The following ZNF28 variants were observed in gnomAD, a reference collection of about 807,000 sequenced individuals.
ZNF28 encodes zinc finger protein KOX24.
Under a neutral mutation model 7.2 loss-of-function variants are expected in ZNF28, and 5 were observed. That is an observed-to-expected ratio of 0.70 (90% confidence interval 0.36 to 1.46). The LOEUF is 1.46. Among genes scored for constraint, ZNF28 ranks in the 40% most tolerant of loss-of-function variants. The pLI, the probability that ZNF28 is intolerant of heterozygous loss-of-function variation, is 0.03. For missense variants in ZNF28, 879 were observed against 866.6 expected, an observed-to-expected ratio of 1.01 and a Z score of -0.18; for synonymous variants, 288 against 292.4, an observed-to-expected ratio of 0.99 and a Z score of 0.15.
Position 52,820,265 on chromosome 19 carries a change from C to T in ZNF28, c.-74+1321G>A, listed in dbSNP as rs555135590. On this transcript the variant is annotated intron_variant, in intron 1 of 3. Coordinates refer to ENST00000457749, the MANE Select transcript of ZNF28 (RefSeq NM_006969.5). ...CCCGAGTAGCTGGGACTACAGGCGC[C>T]CGCCACCGCGCCCGGCTAATTTTTT... is the stretch of plus-strand genomic sequence containing the variant. 7.2e-5 allele frequency among the ~76,000 whole-genome samples: 10 copies of T among 138,016 alleles called. 3 individuals carry two copies. The highest frequency in any genetic ancestry group is 5.0e-4 in the South Asian group (2 of 4,030). 90.5% of individuals were successfully genotyped at this position (138,016 alleles called of 152,430 possible). A position where few individuals can be genotyped will look rare whatever the true frequency, so the allele number is the denominator to read the frequency against.
Position 52,799,019 on chromosome 19 carries a change from T to A in ZNF28, c.*669A>T. On this transcript the variant is annotated 3_prime_UTR_variant, in exon 4 of 4. Coordinates refer to ENST00000457749, the MANE Select transcript of ZNF28 (RefSeq NM_006969.5). ...AGCCTTGTTACAAACCTTACATTTG[T>A]ATGTTTTTTCTCCAGTATGAATTCT... is the stretch of plus-strand genomic sequence containing the variant. 1.3e-6 allele frequency: 1 copy of A among 747,054 alleles called. No homozygotes were observed. The highest frequency in any genetic ancestry group is 2.1e-6 in the Non-Finnish European group (1 of 480,592). The allele number at this position is 747,054 out of a possible 1,614,324, so 46.3% of individuals were successfully genotyped here.
chr19:52,806,949 C>CG (rs1253208114), intron 3 of ZNF28, among the ~76,000 whole-genome samples: 4 of 152,058 alleles, frequency 2.6e-5, no homozygotes, highest in African/African-American at 9.7e-5. Context: ...GAGAGATAAG[C>CG]GGGGGCAAAG....
intron 1 of ZNF28, among the ~76,000 whole-genome samples, chr19:52,818,332 C>T (rs2063152886): frequency 1.3e-5 from 2 of 152,280 alleles, no homozygotes; most frequent in Non-Finnish European, 1.5e-5. Flanking sequence ...GTCCCAGCTA[C>T]TTAGGAAGCT....
At chr19:52,820,210 C>T (rs1262297933) in intron 1 of ZNF28, among the ~76,000 whole-genome samples, 2 of 116,694 alleles carry the variant, frequency 1.7e-5, no homozygotes, top group East Asian at 4.7e-4. Flanking sequence ...CTCTGCTTCC[C>T]GGGTTCACGC....
intron 2 of ZNF28, chr19:52,810,648 G>A: frequency 1.6e-6 from 2 of 1,247,542 alleles, no homozygotes; most frequent in Non-Finnish European, 2.4e-6. Context: ...TTAACAGCAG[G>A]CTCTGGGGTC....
At chr19:52,813,421 C>CTGGGTTGAGACAGAGAAT (rs1568658837) in intron 2 of ZNF28, among the ~76,000 whole-genome samples, 24 of 148,294 alleles carry the variant, frequency 1.6e-4, no homozygotes, top group South Asian at 6.6e-4. Context: ...GCAAGCTGCT[C>CTGGGTTGAGACAGAGAAT]CCCGTGTTTC....
chr19:52,801,795 T>C, intron 3 of ZNF28, 93 bp from the exon 4 acceptor site: 1 of 1,222,880 alleles, frequency 8.2e-7, no homozygotes. Context: ...CAATACTTAT[T>C]TTAAACTTCC....
Position 52,801,364 on chromosome 19 carries a change from C to T in ZNF28, c.481G>A (p.Gly161Ser), listed in dbSNP as rs141519831. Reference protein sequence around the residue: ...LHIFQPEGKIGNQVEKSINNA... With the variant: ...LHIFQPEGKISNQVEKSINNA... Reference sequence around the variant, plus strand: ...TTGATAGACTTCTCAACTTGATTACCAATTTTCCCTTCAGGCTGAAATATG... The same window carrying T: ...TTGATAGACTTCTCAACTTGATTACTAATTTTCCCTTCAGGCTGAAATATG... The change falls in exon 4 of 4, where the codon GGT (glycine) becomes AGT (serine). Residue 161 changes from glycine (G) to serine (S), a missense_variant. Coordinates refer to ENST00000457749, the MANE Select transcript of ZNF28 (RefSeq NM_006969.5). 15 of 1,614,018 alleles carry T rather than the reference C, an allele frequency of 9.3e-6. No homozygotes were observed. In the African/African-American group the frequency reaches 2.0e-4, roughly 22 times the overall value.
At chr19:52,813,031 A>G (rs1292886771) in intron 2 of ZNF28, among the ~76,000 whole-genome samples, 1 of 151,854 alleles carries the variant, frequency 6.6e-6, no homozygotes, top group Non-Finnish European at 1.5e-5. Context: ...CAATTTATAC[A>G]TTGTGAAAAG....
At position 52,801,224 on chromosome 19, in the gene ZNF28, A is replaced by G; in HGVS notation, c.621T>C (p.Asn207=). The change falls in exon 4 of 4, where the codon AAT becomes AAC. Residue 207 remains asparagine (N), a synonymous_variant. Transcript: ENST00000457749. ...GGAAAGATTTTTCTCTCATGTGTAC[A>G]TTCCGTTTTTGTGTGAGTAATGAAG... ...LHSSLLTQKR[N]VHMREKSFQC... 1.2e-6 allele frequency: 2 copies of G among 1,614,138 alleles called. No individual in the cohort carries two copies. Among genetic ancestry groups the G allele is most frequent in the Non-Finnish European group, 1.7e-6 (2 of 1,180,032 alleles).
Position 52,798,489 on chromosome 19 carries a change from C to A in ZNF28, c.*1199G>T. 2.0e-6 allele frequency: 1 copy of A among 498,018 alleles called. No individual in the cohort carries two copies. Among genetic ancestry groups the A allele is most frequent in the Non-Finnish European group, 4.1e-6 (1 of 244,464 alleles). 30.8% of individuals were successfully genotyped at this position (498,018 alleles called of 1,614,324 possible). On this transcript the variant is annotated 3_prime_UTR_variant, in exon 4 of 4. Transcript: ENST00000457749. Reference sequence around the variant, plus strand: ...ATGGTCTGCAAGGAGTGATCTCGGACTGAAGACCTTACCACACTGATGACA... The same window carrying A: ...ATGGTCTGCAAGGAGTGATCTCGGAATGAAGACCTTACCACACTGATGACA...
At chr19:52,812,536 A>G (rs1221474497) in intron 2 of ZNF28, among the ~76,000 whole-genome samples, 16 of 124,366 alleles carry the variant, frequency 1.3e-4, no homozygotes, top group South Asian at 2.6e-4. Context: ...GCGGTGCAAG[A>G]TGTGCTTTGT....
rs62120983 is a variant in ZNF28 at position 52,819,566 on chromosome 19, T to G, written c.-73-1535A>C. Among the ~76,000 whole-genome samples the G allele has an allele frequency of 2.8e-3, 182 of 64,108 alleles. 8 individuals are homozygous for G. Among genetic ancestry groups the G allele is most frequent in the African/African-American group, 4.5e-3 (80 of 17,836 alleles). The allele number at this position is 64,108 out of a possible 152,430, so 42.1% of individuals were successfully genotyped here. ...AGCTTTTCTGGTCTAGCCCCTCATC[T>G]CCAAGTTGCAGGGGAGGCTCACTGG... On this transcript the variant is annotated intron_variant, in intron 1 of 3. Transcript: ENST00000457749.
In ZNF28 at chr19:52,808,012, G is replaced by A; in HGVS notation, c.137C>T (p.Ser46Phe). 6.2e-7 allele frequency: 1 copy of A among 1,613,326 alleles called. No homozygotes were observed. Among genetic ancestry groups the A allele is most frequent in the Middle Eastern group, 1.7e-4 (1 of 6,056 alleles). Residue 46 changes from serine (S) to phenylalanine (F), a missense_variant, in exon 3 of 4, where the codon TCC becomes TTC. By Grantham distance (155) the Ser-to-Phe change is radical. Transcript: ENST00000457749. ...CCCCAGGAGGTTATCCTCACCCAGG[G>A]AGACCAGGTTCCTATAATTCTCCAG... ...VMLENYRNLV[S>F]LDISSKCMMK...
chr19:52,807,229 G>C (rs1230255019), intron 3 of ZNF28, among the ~76,000 whole-genome samples: 1 of 112,510 alleles, frequency 8.9e-6, no homozygotes, highest in Non-Finnish European at 2.0e-5. Flanking sequence ...AAAAAGAAAG[G>C]ACCATAACAT....
intron 2 of ZNF28, among the ~76,000 whole-genome samples, chr19:52,809,580 G>T (rs893036246): frequency 2.0e-5 from 3 of 152,154 alleles, no homozygotes; most frequent in Non-Finnish European, 4.4e-5. Flanking sequence ...GGTCAAGGCG[G>T]GTGAATAACC....
Position 52,815,748 on chromosome 19 carries a change from C to T in ZNF28, c.15+2196G>A, listed in dbSNP as rs1353242397. 2.7e-5 allele frequency among the ~76,000 whole-genome samples: 4 copies of T among 145,836 alleles called. 1 individual carries two copies. Among genetic ancestry groups the T allele is most frequent in the South Asian group, 2.3e-4 (1 of 4,362 alleles). On this transcript the variant is annotated intron_variant, in intron 2 of 3. Transcript: ENST00000457749. ...GCTGAGGCAGGAGAATGGTGTGAAC[C>T]CAGGAGGCGGAGCTTGCAGTGAGCC... is the stretch of plus-strand genomic sequence containing the variant.
rs759988930 is a variant in ZNF28 at position 52,800,958 on chromosome 19, T to C, written c.887A>G (p.Asp296Gly). The change falls in exon 4 of 4, where the codon GAC becomes GGC. Residue 296 changes from aspartate to glycine, a missense_variant. Coordinates refer to ENST00000457749, the MANE Select transcript of ZNF28 (RefSeq NM_006969.5). ...LFLHKALHTA[D>G]KPYECEECDK... is the part of the protein sequence containing the mutation. ...ACATTCTTCACATTCATAAGGTTTG[T>C]CTGCAGTATGAAGCGCCTTGTGAAG... 3.1e-6 allele frequency: 5 copies of C among 1,614,070 alleles called. No homozygotes were observed. The highest frequency in any genetic ancestry group is 4.2e-6 in the Non-Finnish European group (5 of 1,180,040).
At chr19:52,807,912 C>T (rs1600444258) in intron 3 of ZNF28, 95 bp downstream of exon 3, 1 of 1,572,382 alleles carries the variant, frequency 6.4e-7, no homozygotes, top group Non-Finnish European at 8.7e-7. Flanking sequence ...ATCAATACGG[C>T]TTCCATTTTA....
Sources: gnomAD v4.1 joint callset for allele counts (sites outside exome capture counted in the v4.1 genomes callset) on GRCh38, gnomAD v4.1.1 for gene constraint, MANE v1.5 for transcripts, NCBI Gene and HGNC (gene_info 2026-07-23, HGNC 2026-07-21) for gene names.